The following RAD50 variants were observed in gnomAD, a reference collection of about 807,000 sequenced individuals.
RAD50 encodes the protein DNA repair protein RAD50.
A neutral mutation model predicts 168.8 loss-of-function variants in RAD50; 132 were observed. That is an observed-to-expected ratio of 0.78 (90% CI 0.68 to 0.90). The LOEUF (loss-of-function observed/expected upper bound fraction) is 0.90. Ranked by LOEUF, RAD50 falls within the 40% of genes least tolerant of loss-of-function variation. The pLI, the probability that RAD50 is intolerant of heterozygous loss-of-function variation, is 0.00. For synonymous variants in RAD50, 525 were observed against 497.4 expected, an observed-to-expected ratio of 1.06 and a Z score of -0.74; for missense variants, 1,347 against 1,534.4, an observed-to-expected ratio of 0.88 and a Z score of 2.04.
chr5:132,599,730 C>CT lies in RAD50; in HGVS notation c.2208-3557dup, dbSNP rs565367904. 2.6e-3 allele frequency among the ~76,000 whole-genome samples: 372 copies of CT among 144,730 alleles called. 1 individual carries two copies. The highest frequency in any genetic ancestry group is 0.018 in the South Asian group (80 of 4,524). 94.9% of individuals were successfully genotyped at this position (144,730 alleles called of 152,430 possible). Reference sequence around the variant, plus strand: ...AAGCCACCATGCCCAACCAAGAGGACTTTTTTTTTTTTTAAATATGGGAAA... The same window carrying CT: ...AAGCCACCATGCCCAACCAAGAGGACTTTTTTTTTTTTTTAAATATGGGAAA... On this transcript the variant is annotated intron_variant, in intron 13 of 24. Coordinates refer to ENST00000378823, the MANE Select transcript of RAD50 (RefSeq NM_005732.4).
chr5:132,618,351 G>A (rs1054075739), intron 21 of RAD50, 57 bp downstream of exon 21: 1 of 1,595,148 alleles, frequency 6.3e-7, no homozygotes, highest in Non-Finnish European at 8.5e-7. Context: ...ACATACTTTA[G>A]TCATCTTTTC....
At chr5:132,558,619 G>A (rs770665863) in intron 1 of RAD50, among the ~76,000 whole-genome samples, 18 of 151,624 alleles carry the variant, frequency 1.2e-4, no homozygotes, top group Non-Finnish European at 2.2e-4. Flanking sequence ...GCCGAGGCGG[G>A]AGAATCGCTT....
chr5:132,603,864 G>C, intron 14 of RAD50, 56 bp from the exon 15 acceptor site: 1 of 1,432,154 alleles, frequency 7.0e-7, no homozygotes, highest in Non-Finnish European at 9.7e-7. Flanking sequence ...AATTTTTAAA[G>C]ATTTTGAATA....
intron 3 of RAD50, among the ~76,000 whole-genome samples, chr5:132,578,384 C>T (rs913788320): frequency 6.6e-6 from 1 of 152,172 alleles, no homozygotes; most frequent in South Asian, 2.1e-4. Context: ...GTTTCCATCT[C>T]TACAACCACC....
intron 21 of RAD50, among the ~76,000 whole-genome samples, chr5:132,633,383 G>T (rs1434774241): frequency 6.6e-6 from 1 of 151,952 alleles, no homozygotes; most frequent in African/African-American, 2.4e-5. Flanking sequence ...GGGATTACAG[G>T]TGTGAGCCAC....
chr5:132,581,158 T>C (rs1026855181), intron 5 of RAD50, among the ~76,000 whole-genome samples: 48 of 152,176 alleles, frequency 3.2e-4, no homozygotes, highest in African/African-American at 1.2e-3. Context: ...TGGAGTGCAG[T>C]GGCACGATCT....
At chr5:132,637,668 A>C (rs1751615514) in intron 22 of RAD50, among the ~76,000 whole-genome samples, 1 of 151,796 alleles carries the variant, frequency 6.6e-6, no homozygotes, top group African/African-American at 2.4e-5. Context: ...TAGTAGCTGG[A>C]ATTACAGGTG....
At chr5:132,638,491 T>TA (rs1342830845) in intron 23 of RAD50, among the ~76,000 whole-genome samples, 1 of 152,188 alleles carries the variant, frequency 6.6e-6, no homozygotes, top group African/African-American at 2.4e-5. Flanking sequence ...GAAGACCCGT[T>TA]AGAGTTTTCA....
intron 23 of RAD50, 89 bp from the exon 24 acceptor site, chr5:132,640,583 C>T: frequency 6.3e-7 from 1 of 1,575,856 alleles, no homozygotes; most frequent in Non-Finnish European, 8.7e-7. Context: ...TCCCACTTTT[C>T]CCTGCTGAAA....
intron 2 of RAD50, among the ~76,000 whole-genome samples, chr5:132,568,733 T>G (rs1475578453): frequency 6.6e-6 from 1 of 152,332 alleles, no homozygotes; most frequent in East Asian, 1.9e-4. Context: ...AGCAAAAATA[T>G]TCTTTGAAAA....
intron 2 of RAD50, among the ~76,000 whole-genome samples, chr5:132,566,398 T>C (rs1182157338): frequency 6.6e-6 from 1 of 152,254 alleles, no homozygotes; most frequent in Non-Finnish European, 1.5e-5. Context: ...GATTAAACCT[T>C]CAGCAGAATG....
chr5:132,561,989 C>G (rs1443215395), intron 2 of RAD50, among the ~76,000 whole-genome samples: 1 of 152,234 alleles, frequency 6.6e-6, no homozygotes, highest in Non-Finnish European at 1.5e-5. Flanking sequence ...GAAGCTCTCT[C>G]TTTCTCACAG....
Position 132,643,520 on chromosome 5 carries a change from G to A in RAD50, c.*1156G>A. ...TATAATGAGCATGTTTGCCTAGACA[G>A]CTTTTCTCAACTGGGTCCAGAAGAG... On this transcript the variant is annotated 3_prime_UTR_variant, in exon 25 of 25. Transcript: ENST00000378823. 1 of 232,440 alleles carries A rather than the reference G, an allele frequency of 4.3e-6. No homozygotes were observed. The highest frequency in any genetic ancestry group is 8.6e-6 in the Non-Finnish European group (1 of 116,738). 14.4% of individuals were successfully genotyped at this position (232,440 alleles called of 1,614,324 possible). A position where few individuals can be genotyped will look rare whatever the true frequency, so the allele number is the denominator to read the frequency against.
chr5:132,600,825 G>A (rs942364286), intron 13 of RAD50, among the ~76,000 whole-genome samples: 4 of 152,106 alleles, frequency 2.6e-5, no homozygotes, highest in Admixed American at 6.5e-5. Flanking sequence ...TATAAAAAAT[G>A]ATAGGCAGGC....
rs1210937724 is a variant in RAD50, at chr5:132,594,929, G to A, written c.1854G>A (p.Lys618=). The change falls in exon 12 of 25, where the codon AAG becomes AAA. Residue 618 remains lysine, a synonymous_variant. Coordinates refer to ENST00000378823, the MANE Select transcript of RAD50 (RefSeq NM_005732.4). ...ATATAAATAATGAACTAAAAAGAAA[G>A]GAAGAGCAGTTGTCCAGTTACGAAG... ...KNHINNELKR[K]EEQLSSYEDK... is the part of the protein sequence containing the mutation. 2.5e-6 allele frequency: 4 copies of A among 1,609,258 alleles called. No homozygotes were observed. The highest frequency in any genetic ancestry group is 3.4e-6 in the Non-Finnish European group (4 of 1,175,670).
intron 2 of RAD50, among the ~76,000 whole-genome samples, chr5:132,568,259 A>G (rs780876466): frequency 4.0e-4 from 60 of 151,676 alleles, no homozygotes; most frequent in Middle Eastern, 3.4e-3. Context: ...TTTATTTTTT[A>G]TTTTTAGTAG....
At chr5:132,577,771 C>T (rs1750423786) in intron 3 of RAD50, among the ~76,000 whole-genome samples, 1 of 150,978 alleles carries the variant, frequency 6.6e-6, no homozygotes, top group Non-Finnish European at 1.5e-5. Flanking sequence ...GTTTCCAGAC[C>T]CATTTACCCA....
At chr5:132,584,402 G>T (rs1446086407) in intron 5 of RAD50, among the ~76,000 whole-genome samples, 1 of 152,090 alleles carries the variant, frequency 6.6e-6, no homozygotes, top group African/African-American at 2.4e-5. Context: ...GTAGATTCTG[G>T]ATATTAGCCC....
At chr5:132,609,928 A>G (rs1410191482) in intron 19 of RAD50, among the ~76,000 whole-genome samples, 2 of 152,010 alleles carry the variant, frequency 1.3e-5, no homozygotes, top group Middle Eastern at 3.2e-3. Context: ...CTAATTCTCA[A>G]TCTTACTTCT....
Sources: gnomAD v4.1 joint callset for allele counts (sites outside exome capture counted in the v4.1 genomes callset) on GRCh38, gnomAD v4.1.1 for gene constraint, MANE v1.5 for transcripts, NCBI Gene and HGNC (gene_info 2026-07-23, HGNC 2026-07-21) for gene names.